Variants in CALN1 observed in about 807,000 individuals in gnomAD.
CALN1 encodes calneuron 1.
A neutral mutation model predicts 30.6 loss-of-function variants in CALN1; 17 were observed. The observed-to-expected ratio is 0.56, with a 90% CI of 0.38 to 0.83. CALN1 has a LOEUF of 0.83. Among genes scored for constraint, CALN1 ranks in the 40% least tolerant of loss-of-function variants. The probability of loss-of-function intolerance (pLI) is 0.00; values close to 1 mark genes in which losing one functional copy is unlikely to be tolerated. For missense variants in CALN1, 291 were observed against 354.9 expected, an observed-to-expected ratio of 0.82 and a Z score of 1.45; for synonymous variants, 156 against 131.4, an observed-to-expected ratio of 1.19 and a Z score of -1.28.
At chr7:72,183,954 G>A (rs1010257079) in intron 3 of CALN1, among the ~76,000 whole-genome samples, 1 of 151,944 alleles carries the variant, frequency 6.6e-6, no homozygotes, top group Non-Finnish European at 1.5e-5. Context: ...AGCAGGAGTA[G>A]GGGGAAATGA....
chr7:71,900,348 T>C (rs1374900396), intron 5 of CALN1, among the ~76,000 whole-genome samples: 1 of 152,152 alleles, frequency 6.6e-6, no homozygotes, highest in East Asian at 1.9e-4. Context: ...ACACTCAAAT[T>C]GGAAAAGACA....
intron 5 of CALN1, among the ~76,000 whole-genome samples, chr7:71,954,141 T>C (rs1796840803): frequency 6.6e-6 from 1 of 151,564 alleles, no homozygotes; most frequent in South Asian, 2.1e-4. Flanking sequence ...GTGGGCAACA[T>C]AGCAAGACAT....
chr7:72,013,010 C>T (rs1279221264), intron 5 of CALN1, among the ~76,000 whole-genome samples: 1 of 152,048 alleles, frequency 6.6e-6, no homozygotes, highest in African/African-American at 2.4e-5. Context: ...AATGGTCAGG[C>T]TGGTCTCTAA....
intron 3 of CALN1, among the ~76,000 whole-genome samples, chr7:72,118,876 C>T (rs991236302): frequency 3.9e-5 from 6 of 152,134 alleles, no homozygotes; most frequent in African/African-American, 1.4e-4. Context: ...TCATCAACAG[C>T]TGCAAGTCCA....
At chr7:72,406,628 C>CTTTT (rs71914682) in intron 1 of CALN1, among the ~76,000 whole-genome samples, 2 of 144,774 alleles carry the variant, frequency 1.4e-5, no homozygotes, top group Admixed American at 6.9e-5. Flanking sequence ...TTTTTTTTTT[C>CTTTT]TTTTTTAAGA....
intron 2 of CALN1, among the ~76,000 whole-genome samples, chr7:72,285,451 G>T (rs1314928784): frequency 1.3e-5 from 2 of 152,016 alleles, no homozygotes; most frequent in South Asian, 2.1e-4. Context: ...CACCGTGTTG[G>T]CCAGGATAGT....
At chr7:71,963,276 C>T (rs1797345764) in intron 5 of CALN1, among the ~76,000 whole-genome samples, 1 of 152,318 alleles carries the variant, frequency 6.6e-6, no homozygotes, top group Admixed American at 6.5e-5. Context: ...GATTCTCCTG[C>T]CTCAGCCTCC....
At chr7:71,863,557 C>CAAAAAAAAAAAAAA (rs71531769) in intron 5 of CALN1, among the ~76,000 whole-genome samples, 5 of 32,214 alleles carry the variant, frequency 1.6e-4, no homozygotes, top group Admixed American at 6.0e-4. Flanking sequence ...AACTCCATCT[C>CAAAAAAAAAAAAAA]AAAAAAAAAA....
At chr7:72,375,890 A>G (rs1804528460) in intron 2 of CALN1, among the ~76,000 whole-genome samples, 1 of 152,140 alleles carries the variant, frequency 6.6e-6, no homozygotes, top group South Asian at 2.1e-4. Flanking sequence ...CCACCACCCC[A>G]AACAGAAACC....
intron 5 of CALN1, among the ~76,000 whole-genome samples, chr7:71,895,432 C>G (rs1793483155): frequency 6.6e-6 from 1 of 152,070 alleles, no homozygotes; most frequent in Admixed American, 6.6e-5. Context: ...TTGTCTACAA[C>G]TTTCAGAAAA....
chr7:72,441,454 C>T (rs1161212139), intron 1 of CALN1, among the ~76,000 whole-genome samples: 2 of 151,836 alleles, frequency 1.3e-5, no homozygotes, highest in Non-Finnish European at 2.9e-5. Context: ...AAAAATTAGT[C>T]GGGCATGGTG....
chr7:72,088,364 A>T (rs538845935), intron 4 of CALN1, among the ~76,000 whole-genome samples: 1 of 152,112 alleles, frequency 6.6e-6, no homozygotes, highest in South Asian at 2.1e-4. Context: ...ACAATATTAA[A>T]CCCTAACAAT....
At chr7:72,299,709 T>TG (rs1187954907) in intron 2 of CALN1, among the ~76,000 whole-genome samples, 1 of 138,178 alleles carries the variant, frequency 7.2e-6, no homozygotes, top group East Asian at 1.9e-4. Context: ...TTTTTTTTTT[T>TG]TAAAAAGAGA....
chr7:72,371,952 G>A (rs990080374), intron 2 of CALN1, among the ~76,000 whole-genome samples: 1 of 152,196 alleles, frequency 6.6e-6, no homozygotes, highest in Non-Finnish European at 1.5e-5. Flanking sequence ...GATTGGGAAA[G>A]ATGAAAATTC....
At chr7:72,453,243 T>A in the CALN1 span, among the ~76,000 whole-genome samples, 6 of 152,334 alleles carry the variant, frequency 3.9e-5, no homozygotes, top group Non-Finnish European at 8.8e-5. Context: ...AACAGCTTTA[T>A]TGAAGGGGCA....
At chr7:72,181,846 A>T (rs1789833563) in intron 3 of CALN1, among the ~76,000 whole-genome samples, 1 of 152,170 alleles carries the variant, frequency 6.6e-6, no homozygotes, top group African/African-American at 2.4e-5. Flanking sequence ...CCATAAGAAC[A>T]CAAGTATTCA....
At chr7:72,002,052 C>T (rs771324365) in intron 5 of CALN1, among the ~76,000 whole-genome samples, 5 of 152,010 alleles carry the variant, frequency 3.3e-5, no homozygotes, top group Non-Finnish European at 5.9e-5. Context: ...TGGTAAAGAA[C>T]AACTACAAAA....
chr7:72,154,050 C>A (rs568938420), intron 3 of CALN1, among the ~76,000 whole-genome samples: 7 of 152,154 alleles, frequency 4.6e-5, no homozygotes, highest in African/African-American at 1.7e-4. Flanking sequence ...AAGACTGGAT[C>A]TCATGATGAG....
chr7:72,349,616 G>T (rs184071639), intron 2 of CALN1, among the ~76,000 whole-genome samples: 6 of 152,240 alleles, frequency 3.9e-5, no homozygotes, highest in African/African-American at 1.4e-4. Flanking sequence ...TTTTTAATGT[G>T]CTGAAATTGA....
Sources: gnomAD v4.1 joint callset for allele counts (sites outside exome capture counted in the v4.1 genomes callset) on GRCh38, gnomAD v4.1.1 for gene constraint, MANE v1.5 for transcripts, NCBI Gene and HGNC (gene_info 2026-07-23, HGNC 2026-07-21) for gene names.